MACROD2: variants seen among roughly 807,000 people sequenced by gnomAD.
MACROD2 encodes the protein ADP-ribose glycohydrolase MACROD2.
Under a neutral mutation model 70.4 loss-of-function variants are expected in MACROD2, and 36 were observed. The ratio of observed to expected loss-of-function variants is 0.51; its 90% CI spans 0.39 to 0.68. The LOEUF is 0.68. Ranked by LOEUF, MACROD2 falls within the 30% of genes least tolerant of loss-of-function variation. The pLI is 0.00. For missense variants in MACROD2, 496 were observed against 538.4 expected, an observed-to-expected ratio of 0.92 and a Z score of 0.78; for synonymous variants, 172 against 178.8, an observed-to-expected ratio of 0.96 and a Z score of 0.30.
At chr20:15,205,717 T>C (rs188958452) in intron 5 of MACROD2, among the ~76,000 whole-genome samples, 257 of 152,354 alleles carry the variant, frequency 1.7e-3, no homozygotes, top group South Asian at 0.017. Flanking sequence ...ACAAATTCTT[T>C]GTTGGTGTTG....
chr20:15,379,419 G>T (rs1280742695), intron 6 of MACROD2, among the ~76,000 whole-genome samples: 1 of 151,344 alleles, frequency 6.6e-6, no homozygotes, highest in Non-Finnish European at 1.5e-5. Flanking sequence ...TTTCCACTTG[G>T]CATAGTCTTG....
chr20:15,868,580 T>C (rs1028792266), intron 9 of MACROD2, among the ~76,000 whole-genome samples: 4 of 150,504 alleles, frequency 2.7e-5, no homozygotes, highest in African/African-American at 7.3e-5. Flanking sequence ...GCAAGTTTCA[T>C]TGCTTCTTGG....
intron 5 of MACROD2, among the ~76,000 whole-genome samples, chr20:14,927,566 A>G (rs1250082370): frequency 6.6e-6 from 1 of 152,176 alleles, no homozygotes; most frequent in East Asian, 1.9e-4. Context: ...TTTCACCTTC[A>G]ACATTCACAC....
At chr20:15,409,162 A>G (rs1178732167) in intron 6 of MACROD2, among the ~76,000 whole-genome samples, 1 of 152,196 alleles carries the variant, frequency 6.6e-6, no homozygotes, top group Non-Finnish European at 1.5e-5. Context: ...TTGTGCAATA[A>G]TATAACCACT....
chr20:15,131,481 CA>C (rs1013510687), intron 5 of MACROD2, among the ~76,000 whole-genome samples: 1 of 151,988 alleles, frequency 6.6e-6, no homozygotes, highest in African/African-American at 2.4e-5. Context: ...AATGATAAAA[CA>C]GGGGATTACA....
At chr20:15,304,754 T>G (rs998421540) in intron 6 of MACROD2, among the ~76,000 whole-genome samples, 3 of 152,150 alleles carry the variant, frequency 2.0e-5, no homozygotes, top group African/African-American at 7.2e-5. Context: ...GTTTAAATAT[T>G]TAGCCAATCG....
At chr20:14,100,013 G>A (rs1250397897) in intron 3 of MACROD2, among the ~76,000 whole-genome samples, 1 of 151,976 alleles carries the variant, frequency 6.6e-6, no homozygotes, top group African/African-American at 2.4e-5. Context: ...AAGAAGATGG[G>A]GTTGTTTTAT....
intron 2 of MACROD2, among the ~76,000 whole-genome samples, chr20:14,057,359 A>G (rs1338577994): frequency 4.6e-5 from 7 of 152,172 alleles, no homozygotes; most frequent in Non-Finnish European, 1.0e-4. Context: ...GATACTTGTA[A>G]TATATATATC....
intron 3 of MACROD2, among the ~76,000 whole-genome samples, chr20:14,364,810 C>CAATATT (rs970179749): frequency 1.3e-5 from 2 of 152,156 alleles, no homozygotes; most frequent in Non-Finnish European, 2.9e-5. Context: ...TGTGGCTGAA[C>CAATATT]AATATTCTCT....
In MACROD2 at chr20:14,338,765, G is replaced by A. The variant is rs144573419; in HGVS notation, c.272-154714G>A. The stretch of plus-strand genomic sequence containing the variant: ...AATAAACACTGGACAATTGTAAGAC[G>A]TGGAGATTATAAATTTCTATGCCTA... On this transcript the variant is annotated intron_variant, in intron 3 of 17. Transcript: ENST00000684519. 8.1e-4 allele frequency among the ~76,000 whole-genome samples: 123 copies of A among 152,246 alleles called. No homozygotes were observed. In the East Asian group the frequency reaches 0.012, roughly 15 times the overall value.
chr20:13,997,155 A>G (rs1569106460), intron 1 of MACROD2, among the ~76,000 whole-genome samples: 1 of 152,244 alleles, frequency 6.6e-6, no homozygotes, highest in Non-Finnish European at 1.5e-5. Context: ...TGATCTTTAA[A>G]AATGTTGAAA....
chr20:14,764,578 G>A (rs2072061174), intron 5 of MACROD2, among the ~76,000 whole-genome samples: 1 of 152,056 alleles, frequency 6.6e-6, no homozygotes, highest in Non-Finnish European at 1.5e-5. Context: ...GGACCAGCAA[G>A]TACCTTCATG....
intron 8 of MACROD2, among the ~76,000 whole-genome samples, chr20:15,628,043 T>C (rs755385890): frequency 3.3e-5 from 5 of 152,188 alleles, no homozygotes; most frequent in Non-Finnish European, 4.4e-5. Flanking sequence ...TGAAGGTCAT[T>C]GCAGAAACTT....
chr20:14,749,749 A>G (rs1360168391), intron 5 of MACROD2, among the ~76,000 whole-genome samples: 1 of 152,140 alleles, frequency 6.6e-6, no homozygotes, highest in Non-Finnish European at 1.5e-5. Context: ...ATATAGGCAT[A>G]CATAAATAGA....
At chr20:14,455,723 A>G (rs1304412877) in intron 3 of MACROD2, among the ~76,000 whole-genome samples, 1 of 151,728 alleles carries the variant, frequency 6.6e-6, no homozygotes, top group Non-Finnish European at 1.5e-5. Context: ...TGCCCTAACT[A>G]TAAAGTTTAT....
intron 4 of MACROD2, among the ~76,000 whole-genome samples, chr20:14,587,769 C>T (rs935366004): frequency 1.3e-5 from 2 of 151,976 alleles, no homozygotes; most frequent in South Asian, 2.1e-4. Context: ...GATCATGATA[C>T]ATTAATCTTT....
chr20:15,608,683 T>G (rs1431337887), intron 8 of MACROD2, among the ~76,000 whole-genome samples: 1 of 152,188 alleles, frequency 6.6e-6, no homozygotes. Flanking sequence ...CCTTAAGCCT[T>G]TTGCATAATT....
At chr20:15,824,756 CAAAGA>C (rs1299159367) in intron 8 of MACROD2, among the ~76,000 whole-genome samples, 1 of 152,206 alleles carries the variant, frequency 6.6e-6, no homozygotes, top group African/African-American at 2.4e-5. Context: ...AATATCCCTT[CAAAGA>C]AAAGACTTAG....
At chr20:15,692,303 T>C (rs2050308709) in intron 8 of MACROD2, among the ~76,000 whole-genome samples, 1 of 152,172 alleles carries the variant, frequency 6.6e-6, no homozygotes, top group Non-Finnish European at 1.5e-5. Context: ...ATAACCCTCC[T>C]AGGCCTCCCA....
Sources: allele counts gnomAD v4.1 joint callset (sites outside exome capture counted in the v4.1 genomes callset), GRCh38; gene constraint gnomAD v4.1.1; transcripts MANE v1.5; gene names NCBI Gene and HGNC (gene_info 2026-07-23, HGNC 2026-07-21).